Variants in ST3GAL1 observed in about 807,000 individuals in gnomAD.
ST3GAL1 encodes the protein CMP-N-acetylneuraminate-beta-galactosamide-alpha-2,3-sialyltransferase 1.
A neutral mutation model predicts 34.1 loss-of-function variants in ST3GAL1; 16 were observed. That is an observed-to-expected ratio of 0.47 (90% CI 0.32 to 0.71). The LOEUF is 0.71. Among genes scored for constraint, ST3GAL1 ranks in the 30% least tolerant of loss-of-function variants. ST3GAL1 has a pLI of 0.04. For synonymous variants in ST3GAL1, 191 were observed against 184.7 expected (o/e 1.03, Z -0.28); for missense variants, 353 against 447.4 (o/e 0.79, Z 1.90).
intron 2 of ST3GAL1, among the ~76,000 whole-genome samples, chr8:133,540,782 T>TATATATATAGAGAC (rs1563733942): frequency 0.025 from 521 of 20,626 alleles, 24 homozygotes; most frequent in African/African-American, 0.068. Flanking sequence ...TATAGAGACA[T>TATATATATAGAGAC]ATATATATAT....
chr8:133,567,490 G>A (rs2131121377), intron 1 of ST3GAL1, among the ~76,000 whole-genome samples: 1 of 152,322 alleles, frequency 6.6e-6, no homozygotes, highest in East Asian at 1.9e-4. Context: ...TGACCAAAGT[G>A]ATTTCTAAGG....
intron 3 of ST3GAL1, among the ~76,000 whole-genome samples, chr8:133,490,686 C>T (rs1206059813): frequency 6.6e-6 from 1 of 152,178 alleles, no homozygotes. Flanking sequence ...GAAAACAGGG[C>T]GCCCTTCAGA....
At chr8:133,522,368 G>C (rs1379648812) in intron 2 of ST3GAL1, among the ~76,000 whole-genome samples, 2 of 152,180 alleles carry the variant, frequency 1.3e-5, no homozygotes, top group African/African-American at 2.4e-5. Flanking sequence ...GGCACAGAAG[G>C]TTCCCTGCTT....
At chr8:133,493,714 C>T (rs1816854178) in intron 3 of ST3GAL1, among the ~76,000 whole-genome samples, 2 of 152,156 alleles carry the variant, frequency 1.3e-5, no homozygotes, top group Non-Finnish European at 1.5e-5. Flanking sequence ...GGCATGGTGG[C>T]ATGTGCCTGT....
chr8:133,500,553 G>A (rs1817117476), intron 2 of ST3GAL1, among the ~76,000 whole-genome samples: 2 of 152,324 alleles, frequency 1.3e-5, no homozygotes, highest in South Asian at 2.1e-4. Flanking sequence ...ATGAGGGTGG[G>A]GGGCTATGAA....
intron 3 of ST3GAL1, among the ~76,000 whole-genome samples, chr8:133,491,625 G>A (rs1046417551): frequency 6.6e-6 from 1 of 152,218 alleles, no homozygotes. Context: ...CATCCAGGAG[G>A]TGCCTGAAGG....
rs1441890994 is a variant in ST3GAL1, at chr8:133,458,006, C to T, written c.*1758G>A. 1.3e-5 allele frequency: 2 copies of T among 152,266 alleles called. No homozygotes were observed. Among genetic ancestry groups the T allele is most frequent in the Non-Finnish European group, 2.9e-5 (2 of 68,064 alleles). The allele number at this position is 152,266 out of a possible 1,614,324, so 9.4% of individuals were successfully genotyped here. A position where few individuals can be genotyped will look rare whatever the true frequency, so the allele number is the denominator to read the frequency against. ...CAATCACCGTCCCCCACATTCCTGT[C>T]ACTCTCCACTCCACACCCAGCAGCA... On this transcript the variant is annotated 3_prime_UTR_variant, in exon 10 of 10. Transcript: ENST00000522652.
Position 133,540,828 on chromosome 8 carries a change from T to TATATAGAGAGAGAC in ST3GAL1, c.-429+4945_-429+4946insGTCTCTCTCTATAT, listed in dbSNP as rs1563734023. Among the ~76,000 whole-genome samples, 15 of 84,306 alleles carry TATATAGAGAGAGAC rather than the reference T, an allele frequency of 1.8e-4. No individual in the cohort carries two copies. In the East Asian group the frequency reaches 2.3e-3, roughly 13 times the overall value. The allele number at this position is 84,306 out of a possible 152,430, so 55.3% of individuals were successfully genotyped here. Reference sequence around the variant, plus strand: ...ATAGAGAGACATATATATATAGACATATATATAGAGAGACATATATATAGA... The same window carrying TATATAGAGAGAGAC: ...ATAGAGAGACATATATATATAGACATATATAGAGAGAGACATATATAGAGAGACATATATATAGA... On this transcript the variant is annotated intron_variant, in intron 2 of 9. Transcript: ENST00000522652.
In ST3GAL1 at chr8:133,540,712, CAT is replaced by C. The variant is rs1343808150; in HGVS notation, c.-429+5060_-429+5061del. Among the ~76,000 whole-genome samples the C allele has an allele frequency of 4.2e-4, 45 of 106,090 alleles. 1 individual carries two copies. Among genetic ancestry groups the C allele is most frequent in the African/African-American group, 1.6e-3 (40 of 25,150 alleles). The allele number at this position is 106,090 out of a possible 152,430, so 69.6% of individuals were successfully genotyped here. On this transcript the variant is annotated intron_variant, in intron 2 of 9. Transcript: ENST00000522652. ...CCCACACCATATATATATATACAGA[CAT>C]ATATATATATAGACATATATATATA...
At chr8:133,483,057 G>A (rs577322503) in intron 3 of ST3GAL1, among the ~76,000 whole-genome samples, 4 of 152,156 alleles carry the variant, frequency 2.6e-5, no homozygotes, top group South Asian at 2.1e-4. Flanking sequence ...AAATGCTCAC[G>A]CAGGCCGGGC....
chr8:133,552,759 G>A (rs533794127), intron 1 of ST3GAL1, among the ~76,000 whole-genome samples: 6 of 152,208 alleles, frequency 3.9e-5, no homozygotes, highest in Non-Finnish European at 8.8e-5. Flanking sequence ...GTGCCTTTCT[G>A]AATTTGAAGG....
intron 2 of ST3GAL1, among the ~76,000 whole-genome samples, chr8:133,532,859 A>G (rs2978019): frequency 6.6e-6 from 1 of 152,154 alleles, no homozygotes; most frequent in Non-Finnish European, 1.5e-5. Flanking sequence ...GCTCCTCCCC[A>G]GCGTGGAGGG....
chr8:133,543,263 T>C (rs1355442479), intron 2 of ST3GAL1, among the ~76,000 whole-genome samples: 4 of 152,250 alleles, frequency 2.6e-5, no homozygotes, highest in Non-Finnish European at 5.9e-5. Flanking sequence ...TCAAAAAGGT[T>C]AACGTGCTGA....
intron 3 of ST3GAL1, among the ~76,000 whole-genome samples, chr8:133,485,705 C>T (rs1018432611): frequency 1.3e-5 from 2 of 152,180 alleles, no homozygotes; most frequent in Non-Finnish European, 2.9e-5. Context: ...AGGGTGGCTA[C>T]CCCGGAGTAG....
At chr8:133,474,896 C>T (rs895583977) in intron 5 of ST3GAL1, among the ~76,000 whole-genome samples, 8 of 152,192 alleles carry the variant, frequency 5.3e-5, no homozygotes, top group African/African-American at 1.9e-4. Flanking sequence ...TTCTTATCTT[C>T]CCCTCCCAGC....
intron 2 of ST3GAL1, among the ~76,000 whole-genome samples, chr8:133,530,031 G>T (rs1045779021): frequency 6.6e-6 from 1 of 152,158 alleles, no homozygotes; most frequent in African/African-American, 2.4e-5. Flanking sequence ...TGTAGGTTTC[G>T]CAAGGAACGT....
rs1285716804 is a variant in ST3GAL1, at chr8:133,461,373, C to T, written c.849+502G>A. Among the ~76,000 whole-genome samples, 3 of 152,088 alleles carry T rather than the reference C, an allele frequency of 2.0e-5. No homozygotes were observed. Among genetic ancestry groups the T allele is most frequent in the East Asian group, 1.9e-4 (1 of 5,172 alleles). On this transcript the variant is annotated intron_variant, in intron 9 of 9. Transcript: ENST00000522652. This position sits in a 1 kb window ranked among gnomAD's most constrained non-coding sequence, Gnocchi z 4.7. ...AACCCGAACACAGCCTAGCGGACAG[C>T]GAAGGACATGGGAAGGCAAATGCAT...
At position 133,458,858 on chromosome 8, in the gene ST3GAL1, G is replaced by A. The variant is rs1312087030; in HGVS notation, c.*906C>T. 1 of 151,254 alleles carries A rather than the reference G, an allele frequency of 6.6e-6. No individual in the cohort carries two copies. Among genetic ancestry groups the A allele is most frequent in the East Asian group, 2.0e-4 (1 of 5,110 alleles). The allele number at this position is 151,254 out of a possible 1,614,324, so 9.4% of individuals were successfully genotyped here. A position where few individuals can be genotyped will look rare whatever the true frequency, so the allele number is the denominator to read the frequency against. ...GGCATCTGCAGGAGTCAGAAACACG[G>A]TGCCAAGTTTGGGGTTTTTTTTCTT... On this transcript the variant is annotated 3_prime_UTR_variant, in exon 10 of 10. Coordinates refer to ENST00000522652, the MANE Select transcript of ST3GAL1 (RefSeq NM_173344.3).
intron 9 of ST3GAL1, among the ~76,000 whole-genome samples, chr8:133,460,757 G>A (rs1815466915): frequency 6.6e-6 from 1 of 152,190 alleles, no homozygotes. Context: ...AGAGGTCAGA[G>A]GAAGCTCTTC....
Sources: gnomAD v4.1 joint callset for allele counts (sites outside exome capture counted in the v4.1 genomes callset) on GRCh38, gnomAD v4.1.1 for gene constraint, Gnocchi (gnomAD v3.1) non-coding constraint, MANE v1.5 for transcripts, NCBI Gene and HGNC (gene_info 2026-07-23, HGNC 2026-07-21) for gene names.